Variants in SNRPA observed in about 807,000 individuals in gnomAD.
SNRPA encodes the protein U1 small nuclear ribonucleoprotein A.
A neutral mutation model predicts 24.5 loss-of-function variants in SNRPA; 10 were observed. The observed-to-expected ratio is 0.41, with a 90% CI of 0.25 to 0.69. SNRPA has a LOEUF of 0.69. SNRPA is among the 30% of genes least tolerant of loss of function. The pLI is 0.33. For missense variants in SNRPA, 283 were observed against 394.7 expected, an observed-to-expected ratio of 0.72 and a Z score of 2.40; for synonymous variants, 165 against 148.4, an observed-to-expected ratio of 1.11 and a Z score of -0.81.
chr19:40,756,270 A>T (rs1161674418), intron 1 of SNRPA, among the ~76,000 whole-genome samples: 3 of 108,850 alleles, frequency 2.8e-5, no homozygotes, highest in African/African-American at 9.5e-5. Context: ...TTCTGTCTTT[A>T]AAAAAAAAAA....
At chr19:40,763,387 C>A in intron 4 of SNRPA, 200 bp from the exon 5 acceptor site, 1 of 615,752 alleles carries the variant, frequency 1.6e-6, no homozygotes. Context: ...GAGATAGAAA[C>A]CTCTGCTGTC....
intron 1 of SNRPA, among the ~76,000 whole-genome samples, chr19:40,753,348 C>CA (rs531847938): frequency 0.021 from 1,633 of 79,328 alleles, 36 homozygotes; most frequent in African/African-American, 0.062. Context: ...GAGACTGTCT[C>CA]AAAAAAAAAA....
Position 40,751,395 on chromosome 19 carries a change from C to T in SNRPA, c.-14C>T. 1.2e-6 allele frequency: 2 copies of T among 1,605,190 alleles called. No individual in the cohort carries two copies. The highest frequency in any genetic ancestry group is 8.5e-7 in the Non-Finnish European group (1 of 1,171,912). On this transcript the variant is annotated 5_prime_UTR_variant, in exon 1 of 6. Transcript: ENST00000243563. ...GTTTTTCCTCCTTTAAGACTTACCT[C>T]AACACTTCACTCCATGGCAGTTCCC...
chr19:40,762,898 C>T lies in SNRPA; in HGVS notation c.427-3C>T, dbSNP rs1262684229. 1.2e-6 allele frequency: 2 copies of T among 1,613,166 alleles called. No homozygotes were observed. Among genetic ancestry groups the T allele is most frequent in the Non-Finnish European group, 1.7e-6 (2 of 1,179,794 alleles). On this transcript the variant is annotated splice_region_variant and splice_polypyrimidine_tract_variant and intron_variant, in intron 3 of 5. Transcript: ENST00000243563. ...CCACGCACTCTCCTCCCTCTCTCCACAGGGCATGCCGCCGATGACTCAGGC... is the reference window on the plus strand; with the variant it reads ...CCACGCACTCTCCTCCCTCTCTCCATAGGGCATGCCGCCGATGACTCAGGC...
rs1221423318 is a variant in SNRPA, at chr19:40,765,214, C to G, written c.*47C>G. On this transcript the variant is annotated 3_prime_UTR_variant, in exon 6 of 6. Transcript: ENST00000243563. ...CCCCTTCCCCTGTTCTGGGGCCACCCCTTTCCCCCTTGGCTCAGCCCCCTG... is the reference window on the plus strand; with the variant it reads ...CCCCTTCCCCTGTTCTGGGGCCACCGCTTTCCCCCTTGGCTCAGCCCCCTG... 2 of 1,367,342 alleles carry G rather than the reference C, an allele frequency of 1.5e-6. No individual in the cohort carries two copies. The highest frequency in any genetic ancestry group is 1.5e-5 in the African/African-American group (1 of 66,436). The allele number at this position is 1,367,342 out of a possible 1,614,324, so 84.7% of individuals were successfully genotyped here.
chr19:40,762,749 T>G, intron 3 of SNRPA, 152 bp from the exon 4 acceptor site: 3 of 659,096 alleles, frequency 4.6e-6, no homozygotes, highest in South Asian at 3.8e-5. Flanking sequence ...ACCCTGGGTT[T>G]GTTTTGCTCT....
chr19:40,754,077 A>C (rs2082897839), intron 1 of SNRPA, among the ~76,000 whole-genome samples: 1 of 144,416 alleles, frequency 6.9e-6, no homozygotes, highest in South Asian at 2.2e-4. Context: ...CTGGGATTAC[A>C]GGCGTCAGCC....
intron 2 of SNRPA, among the ~76,000 whole-genome samples, chr19:40,758,500 C>T (rs2082917812): frequency 6.6e-6 from 1 of 152,160 alleles, no homozygotes; most frequent in Non-Finnish European, 1.5e-5. Flanking sequence ...GTCCTTTGGC[C>T]TGATGTTTAT....
At chr19:40,756,733 GA>G (rs1409931227) in intron 1 of SNRPA, among the ~76,000 whole-genome samples, 16 of 152,192 alleles carry the variant, frequency 1.1e-4, no homozygotes, top group Non-Finnish European at 2.1e-4. Context: ...AAATAGTCAT[GA>G]AAGAAAAGGA....
rs1217091096 is a variant in SNRPA, at chr19:40,751,331, T to G, written c.-78T>G. On this transcript the variant is annotated 5_prime_UTR_variant, in exon 1 of 6. Transcript: ENST00000243563. ...AGGAAGATCCTTGAGCAGCCGACGTTGGGACAAAGGATTTGGAGAAACCCA... is the reference window on the plus strand; with the variant it reads ...AGGAAGATCCTTGAGCAGCCGACGTGGGGACAAAGGATTTGGAGAAACCCA... 8.9e-7 allele frequency: 1 copy of G among 1,118,056 alleles called. No individual in the cohort carries two copies. Among genetic ancestry groups the G allele is most frequent in the Non-Finnish European group, 1.4e-6 (1 of 728,568 alleles). The allele number at this position is 1,118,056 out of a possible 1,614,324, so 69.3% of individuals were successfully genotyped here.
At chr19:40,753,918 C>T (rs1298667129) in intron 1 of SNRPA, among the ~76,000 whole-genome samples, 2 of 151,988 alleles carry the variant, frequency 1.3e-5, no homozygotes, top group Non-Finnish European at 2.9e-5. Context: ...TCTCCTGCCT[C>T]AGCCTCCCGA....
chr19:40,765,179 C>G lies in SNRPA; in HGVS notation c.*12C>G. The G allele has an allele frequency of 6.6e-7, 1 of 1,504,814 alleles. No individual in the cohort carries two copies. The highest frequency in any genetic ancestry group is 8.9e-7 in the Non-Finnish European group (1 of 1,122,864). 93.2% of individuals were successfully genotyped at this position (1,504,814 alleles called of 1,614,324 possible). Reference sequence around the variant, plus strand: ...TTGCCAAGAAGTAGCACCTTTTCCCCCCATGCCTGCCCCTTCCCCTGTTCT... The same window carrying G: ...TTGCCAAGAAGTAGCACCTTTTCCCGCCATGCCTGCCCCTTCCCCTGTTCT... On this transcript the variant is annotated 3_prime_UTR_variant, in exon 6 of 6. Coordinates refer to ENST00000243563, the MANE Select transcript of SNRPA (RefSeq NM_004596.5).
chr19:40,752,812 T>G (rs1216515377), intron 1 of SNRPA, among the ~76,000 whole-genome samples: 3 of 152,086 alleles, frequency 2.0e-5, no homozygotes. Context: ...CATTCTCAAG[T>G]AAATTATCAC....
chr19:40,754,100 G>GTT (rs57361537), intron 1 of SNRPA, among the ~76,000 whole-genome samples: 53,430 of 117,734 alleles, frequency 0.45, 12,922 homozygotes, highest in South Asian at 0.57. Context: ...AGCGCCCGGC[G>GTT]TTTTTTTTTT....
chr19:40,753,639 C>T (rs533949937), intron 1 of SNRPA, among the ~76,000 whole-genome samples: 41 of 150,732 alleles, frequency 2.7e-4, no homozygotes, highest in African/African-American at 9.0e-4. Flanking sequence ...TTAGGTGATC[C>T]GCCCACCTCG....
At chr19:40,760,964 TG>T (rs752559439) in intron 3 of SNRPA, among the ~76,000 whole-genome samples, 26 of 151,956 alleles carry the variant, frequency 1.7e-4, no homozygotes, top group Non-Finnish European at 1.5e-5. Context: ...TGTTTTCTTT[TG>T]TTTTTTTTCG....
Position 40,755,257 on chromosome 19 carries a change from C to CTTTTTTTTTTTTTTTTTTTTTT in SNRPA, c.74-2072_74-2051dup, listed in dbSNP as rs1004235207. 7.3e-5 allele frequency among the ~76,000 whole-genome samples: 6 copies of CTTTTTTTTTTTTTTTTTTTTTT among 82,612 alleles called. No individual in the cohort carries two copies. In the East Asian group the frequency reaches 1.2e-3, roughly 16 times the overall value. 54.2% of individuals were successfully genotyped at this position (82,612 alleles called of 152,430 possible). ...ACGCCTAGCTAATTTTTTTTCTTTT[C>CTTTTTTTTTTTTTTTTTTTTTT]TTTTTTTTTTTTTTTTTTTTTTTTG... On this transcript the variant is annotated intron_variant, in intron 1 of 5. Transcript: ENST00000243563.
rs367663559 is a variant in SNRPA at position 40,765,032 on chromosome 19, T to G, written c.714T>G (p.Arg238=). The change falls in exon 6 of 6, where the codon CGT becomes CGG. Residue 238 remains arginine, a synonymous_variant. Coordinates refer to ENST00000243563, the MANE Select transcript of SNRPA (RefSeq NM_004596.5). ...FNQFPGFKEV[R]LVPGRHDIAF... is the part of the protein sequence containing the mutation. The stretch of plus-strand genomic sequence containing the variant: ...GGTTCCCTGGCTTCAAGGAGGTCCG[T>G]CTGGTACCCGGGCGGCATGACATCG... 2.7e-5 allele frequency: 43 copies of G among 1,585,310 alleles called. No individual in the cohort carries two copies. The highest frequency in any genetic ancestry group is 3.5e-5 in the Non-Finnish European group (41 of 1,167,578).
At chr19:40,751,873 T>C (rs1332467327) in intron 1 of SNRPA, among the ~76,000 whole-genome samples, 1 of 152,192 alleles carries the variant, frequency 6.6e-6, no homozygotes, top group Non-Finnish European at 1.5e-5. Context: ...TGGGGCTTTC[T>C]TGGTCACCGG....
Sources: allele counts gnomAD v4.1 joint callset (sites outside exome capture counted in the v4.1 genomes callset), GRCh38; gene constraint gnomAD v4.1.1; transcripts MANE v1.5; gene names NCBI Gene and HGNC (gene_info 2026-07-23, HGNC 2026-07-21).